Variants in ATRNL1 observed in about 807,000 individuals in gnomAD.
ATRNL1 encodes attractin like 1.
In ATRNL1, 95 loss-of-function variants were observed where a neutral mutation model predicts 182.7. The observed-to-expected ratio is 0.52, with a 90% confidence interval of 0.44 to 0.62. The LOEUF (loss-of-function observed/expected upper bound fraction) is 0.62, where lower values mean the gene tolerates loss of function less well. ATRNL1 is among the 20% of genes least tolerant of loss of function. The pLI is 0.00. For synonymous variants in ATRNL1, 576 were observed against 568.3 expected (o/e 1.01, Z -0.19); for missense variants, 1,471 against 1,679.5 (o/e 0.88, Z 2.17).
At chr10:115,251,401 A>G (rs1554905341) in intron 10 of ATRNL1, among the ~76,000 whole-genome samples, 1 of 152,164 alleles carries the variant, frequency 6.6e-6, no homozygotes, top group Non-Finnish European at 1.5e-5. Flanking sequence ...TTCCAATTCT[A>G]TATCCAGCGA....
At chr10:115,406,606 CTTAAAAGTTTATTATGTTTAATCT>C (rs1395118232) in intron 20 of ATRNL1, among the ~76,000 whole-genome samples, 1 of 152,088 alleles carries the variant, frequency 6.6e-6, no homozygotes, top group Non-Finnish European at 1.5e-5. Flanking sequence ...TTCCTTAGTT[CTTAAAAGTTTATTATGTTTAATCT>C]TTAAAAGTTT....
chr10:115,741,750 T>A (rs1017590203), intron 27 of ATRNL1, among the ~76,000 whole-genome samples: 1 of 152,050 alleles, frequency 6.6e-6, no homozygotes, highest in Non-Finnish European at 1.5e-5. Flanking sequence ...TAACTGAATA[T>A]AGGGATAGTC....
chr10:115,715,881 T>G (rs1408949028), intron 26 of ATRNL1, among the ~76,000 whole-genome samples: 1 of 152,180 alleles, frequency 6.6e-6, no homozygotes. Flanking sequence ...AATAGGAACA[T>G]TGGACTTAGT....
At chr10:115,816,025 A>G (rs781906598) in intron 27 of ATRNL1, among the ~76,000 whole-genome samples, 1 of 152,172 alleles carries the variant, frequency 6.6e-6, no homozygotes, top group Non-Finnish European at 1.5e-5. Flanking sequence ...GATTCAGTGA[A>G]TTACAGTCTT....
intron 8 of ATRNL1, among the ~76,000 whole-genome samples, chr10:115,206,558 C>G (rs959032589): frequency 5.9e-5 from 9 of 151,474 alleles, no homozygotes; most frequent in Non-Finnish European, 1.2e-4. Context: ...ATAAATTGTT[C>G]TAGTGTTTGT....
At chr10:115,696,283 G>A (rs1946557188) in intron 26 of ATRNL1, among the ~76,000 whole-genome samples, 1 of 152,158 alleles carries the variant, frequency 6.6e-6, no homozygotes, top group Non-Finnish European at 1.5e-5. Context: ...GCTGTGACAA[G>A]CATACCTGTG....
intron 26 of ATRNL1, among the ~76,000 whole-genome samples, chr10:115,589,218 A>G (rs1855759191): frequency 6.6e-6 from 1 of 152,210 alleles, no homozygotes; most frequent in Admixed American, 6.5e-5. Context: ...ATGATCTGTA[A>G]AACATTAACT....
At chr10:115,498,882 C>A (rs557720435) in intron 24 of ATRNL1, among the ~76,000 whole-genome samples, 7 of 151,840 alleles carry the variant, frequency 4.6e-5, no homozygotes, top group Non-Finnish European at 7.4e-5. Flanking sequence ...TTAGACATAA[C>A]CCAAATTTCT....
chr10:115,776,612 C>T (rs909015048), intron 27 of ATRNL1, among the ~76,000 whole-genome samples: 24 of 140,566 alleles, frequency 1.7e-4, no homozygotes, highest in African/African-American at 5.1e-4. Context: ...ATTCTTGAAA[C>T]GAAGCTAGAG....
At chr10:115,733,391 GA>G (rs1437166633) in intron 27 of ATRNL1, among the ~76,000 whole-genome samples, 1 of 152,112 alleles carries the variant, frequency 6.6e-6, no homozygotes, top group African/African-American at 2.4e-5. Flanking sequence ...CGGTAACCTA[GA>G]AAAAATTAAT....
rs182505975 is a variant in ATRNL1 at position 115,853,913 on chromosome 10, A to C, written c.4018+5922A>C. Among the ~76,000 whole-genome samples, 316 of 152,336 alleles carry C rather than the reference A, an allele frequency of 2.1e-3. 1 individual carries two copies. Among genetic ancestry groups the C allele is most frequent in the African/African-American group, 7.3e-3 (303 of 41,582 alleles). ...AAAATATCTGATATTAAAAGACTTT[A>C]AAATCAACAGAAGAAACTATTTTAC... On this transcript the variant is annotated intron_variant, in intron 28 of 28. Transcript: ENST00000355044.
intron 26 of ATRNL1, among the ~76,000 whole-genome samples, chr10:115,616,424 G>T (rs1857432092): frequency 6.6e-6 from 1 of 152,158 alleles, no homozygotes; most frequent in African/African-American, 2.4e-5. Flanking sequence ...TGGTAGAAAA[G>T]AAAAACCAAT....
At chr10:115,659,802 G>T (rs1860563350) in intron 26 of ATRNL1, among the ~76,000 whole-genome samples, 1 of 152,090 alleles carries the variant, frequency 6.6e-6, no homozygotes. Context: ...AGTGAGAAGG[G>T]AATGTTCCAG....
intron 19 of ATRNL1, among the ~76,000 whole-genome samples, chr10:115,378,228 T>C (rs1554950082): frequency 6.6e-6 from 1 of 152,136 alleles, no homozygotes; most frequent in Non-Finnish European, 1.5e-5. Flanking sequence ...ACAACTGATT[T>C]ATAGGGCTGT....
chr10:115,765,723 C>T (rs56379384), intron 27 of ATRNL1, among the ~76,000 whole-genome samples: 3,562 of 152,228 alleles, frequency 0.023, 124 homozygotes, highest in African/African-American at 0.081. Flanking sequence ...TACCGCAGGT[C>T]ATCTAGGTTT....
At chr10:115,479,186 G>A (rs11197234) in intron 24 of ATRNL1, among the ~76,000 whole-genome samples, 3 of 150,822 alleles carry the variant, frequency 2.0e-5, no homozygotes, top group African/African-American at 4.9e-5. Context: ...TGTTAATACT[G>A]TACCAAATTT....
In ATRNL1 at chr10:115,191,351, C is replaced by G. The variant is rs143665146; in HGVS notation, c.1348+20059C>G. On this transcript the variant is annotated intron_variant, in intron 8 of 28. Transcript: ENST00000355044. ...CTCACCGGCAGTGTATGAGGATTCT[C>G]CTTTCTCCACATCCTCATCAGCATT... Among the ~76,000 whole-genome samples the G allele has an allele frequency of 4.9e-3, 739 of 152,204 alleles. 4 individuals are homozygous for G. The highest frequency in any genetic ancestry group is 0.016 in the African/African-American group (651 of 41,544).
At chr10:115,490,052 C>T (rs1239869008) in intron 24 of ATRNL1, among the ~76,000 whole-genome samples, 1 of 152,078 alleles carries the variant, frequency 6.6e-6, no homozygotes, top group Admixed American at 6.6e-5. Context: ...AATATTAGCC[C>T]CCAGTCTCTT....
chr10:115,230,912 AGAGAGAG>A (rs376234159), intron 9 of ATRNL1, among the ~76,000 whole-genome samples: 4 of 139,910 alleles, frequency 2.9e-5, no homozygotes, highest in African/African-American at 1.2e-4. Flanking sequence ...AGAGAGAGAG[AGAGAGAG>A]AGAAAGAGAG....
Sources: allele counts gnomAD v4.1 joint callset (sites outside exome capture counted in the v4.1 genomes callset), GRCh38; gene constraint gnomAD v4.1.1; transcripts MANE v1.5; gene names NCBI Gene and HGNC (gene_info 2026-07-23, HGNC 2026-07-21).